The following ACOT7 variants were observed in gnomAD, a reference collection of about 807,000 sequenced individuals.
ACOT7 encodes cytosolic acyl coenzyme A thioester hydrolase.
Under a neutral mutation model 40.2 loss-of-function variants are expected in ACOT7, and 12 were observed. The ratio of observed to expected loss-of-function variants is 0.30; its 90% CI spans 0.19 to 0.48. The LOEUF (loss-of-function observed/expected upper bound fraction) is 0.48, where lower values mean the gene tolerates loss of function less well. ACOT7 is among the 20% of genes least tolerant of loss of function. The pLI is 0.99. For synonymous variants in ACOT7, 228 were observed against 219.5 expected (o/e 1.04, Z -0.34); for missense variants, 395 against 530.8 (o/e 0.74, Z 2.51).
At chr1:6,298,913 C>G (rs1210461858) in intron 6 of ACOT7, among the ~76,000 whole-genome samples, 1 of 152,264 alleles carries the variant, frequency 6.6e-6, no homozygotes, top group African/African-American at 2.4e-5. Flanking sequence ...GGGGCAGCCT[C>G]AGCTTCTGAA....
chr1:6,366,943 A>G lies in ACOT7; in HGVS notation c.144-17077T>C, dbSNP rs377450978. On this transcript the variant is annotated intron_variant, in intron 1 of 8. Transcript: ENST00000361521. ...GCCGGGCGCGGTGGCTCATGCCTGT[A>G]ATCCCAGCACTTTGGGAGGCCGAGG... Among the ~76,000 whole-genome samples, 233 of 152,142 alleles carry G rather than the reference A, an allele frequency of 1.5e-3. 14 individuals are homozygous for G. In the South Asian group the frequency reaches 0.047, roughly 30 times the overall value.
intron 7 of ACOT7, among the ~76,000 whole-genome samples, chr1:6,293,433 C>G (rs548749638): frequency 1.3e-5 from 2 of 152,200 alleles, no homozygotes; most frequent in African/African-American, 4.8e-5. Flanking sequence ...ACAGAGGACC[C>G]ACTTGTTTTG....
intron 8 of ACOT7, among the ~76,000 whole-genome samples, chr1:6,269,267 A>G (rs947463517): frequency 1.7e-4 from 26 of 152,182 alleles, no homozygotes; most frequent in African/African-American, 6.3e-4. Flanking sequence ...GGACTCGTCC[A>G]TGGGAAGTGA....
At chr1:6,265,313 C>T (rs1031914476) in intron 8 of ACOT7, among the ~76,000 whole-genome samples, 1 of 152,194 alleles carries the variant, frequency 6.6e-6, no homozygotes, top group Non-Finnish European at 1.5e-5. Flanking sequence ...TGGGGAAAGC[C>T]AGCTGCACAC....
chr1:6,283,177 T>C (rs1285860914), intron 7 of ACOT7, among the ~76,000 whole-genome samples: 1 of 152,182 alleles, frequency 6.6e-6, no homozygotes, highest in African/African-American at 2.4e-5. Flanking sequence ...CGTGTTTTTG[T>C]TTTTGAGATG....
In ACOT7 at chr1:6,341,635, G is replaced by A. The variant is rs1025577561; in HGVS notation, c.262-2046C>T. On this transcript the variant is annotated intron_variant, in intron 2 of 8. Transcript: ENST00000361521. ...TGGGTGCCTGTAGTCCCAGTTACTC[G>A]GGAGGCTGAGGCAGGAGAATGGCGT... Among the ~76,000 whole-genome samples, 16 of 152,268 alleles carry A rather than the reference G, an allele frequency of 1.1e-4. No individual in the cohort carries two copies. In the East Asian group the frequency reaches 1.4e-3, roughly 13 times the overall value.
chr1:6,359,142 G>C lies in ACOT7; in HGVS notation c.144-9276C>G, dbSNP rs975543880. 1 of 306,416 alleles carries C rather than the reference G, an allele frequency of 3.3e-6. No homozygotes were observed. Among genetic ancestry groups the C allele is most frequent in the Non-Finnish European group, 6.1e-6 (1 of 162,602 alleles). 19.0% of individuals were successfully genotyped at this position (306,416 alleles called of 1,614,324 possible). On this transcript the variant is annotated intron_variant, in intron 1 of 8. Coordinates refer to ENST00000361521, the MANE Select transcript of ACOT7 (RefSeq NM_007274.4). The surrounding 1 kb of genome is among the most constrained non-coding windows in gnomAD (Gnocchi z 4.1). The stretch of plus-strand genomic sequence containing the variant: ...CATGCCAGGAGATCAGGAAGGCAGA[G>C]GGGCCGCTGCTGAGCGGCCTCAGGG...
At chr1:6,389,503 C>T (rs1164515427) in intron 1 of ACOT7, among the ~76,000 whole-genome samples, 1 of 152,024 alleles carries the variant, frequency 6.6e-6, no homozygotes, top group Non-Finnish European at 1.5e-5. Flanking sequence ...TTGCACTCCC[C>T]AAAAGATAGC....
intron 1 of ACOT7, among the ~76,000 whole-genome samples, chr1:6,363,342 A>G (rs1443369048): frequency 6.6e-6 from 1 of 152,160 alleles, no homozygotes; most frequent in Non-Finnish European, 1.5e-5. Context: ...GCCACTTAGC[A>G]GACCAGGAAA....
Position 6,278,672 on chromosome 1 carries a change from G to A in ACOT7, c.1014+2430C>T, listed in dbSNP as rs1336526955. On this transcript the variant is annotated intron_variant, in intron 8 of 8. Coordinates refer to ENST00000361521, the MANE Select transcript of ACOT7 (RefSeq NM_007274.4). This position sits in a 1 kb window ranked among gnomAD's most constrained non-coding sequence, Gnocchi z 4.1. ...TCAATACAACACACAGGCGATGCTC[G>A]AGGCACAGACCATGGATCTGACCAC... 1.3e-5 allele frequency among the ~76,000 whole-genome samples: 2 copies of A among 152,206 alleles called. No individual in the cohort carries two copies. Among genetic ancestry groups the A allele is most frequent in the South Asian group, 2.1e-4 (1 of 4,832 alleles).
chr1:6,304,407 T>G (rs1446204635), intron 6 of ACOT7, among the ~76,000 whole-genome samples: 1 of 149,612 alleles, frequency 6.7e-6, no homozygotes, highest in Non-Finnish European at 1.5e-5. Flanking sequence ...TTTTTTTTTT[T>G]TTTTTAATTG....
intron 8 of ACOT7, 109 bp from the exon 9 acceptor site, chr1:6,264,804 C>T: frequency 1.4e-5 from 16 of 1,151,210 alleles, no homozygotes; most frequent in African/African-American, 3.1e-5. Context: ...TCTGCCCCAC[C>T]CCTGGTGCAT....
chr1:6,369,954 A>G (rs1282438777), intron 1 of ACOT7, among the ~76,000 whole-genome samples: 1 of 152,204 alleles, frequency 6.6e-6, no homozygotes, highest in African/African-American at 2.4e-5. Flanking sequence ...AGGTGCTATT[A>G]TCCACTATGG....
intron 7 of ACOT7, among the ~76,000 whole-genome samples, chr1:6,286,898 C>A (rs2148386187): frequency 6.6e-6 from 1 of 152,286 alleles, no homozygotes; most frequent in African/African-American, 2.4e-5. Context: ...AGGGGCACCG[C>A]TGGAGAGGCT....
In ACOT7 at chr1:6,282,660, A is replaced by C; in HGVS notation, c.830-1374T>G. On this transcript the variant is annotated intron_variant, in intron 7 of 8. Transcript: ENST00000361521. The surrounding 1 kb of genome is among the most constrained non-coding windows in gnomAD (Gnocchi z 4.5). Reference sequence around the variant, plus strand: ...GAGGGCGGTTAGCAGGCCAGAGGCAAGAGCGGTTATTCCATGTTAAAAAGT... The same window carrying C: ...GAGGGCGGTTAGCAGGCCAGAGGCACGAGCGGTTATTCCATGTTAAAAAGT... 4.8e-6 allele frequency: 6 copies of C among 1,249,278 alleles called. No homozygotes were observed. The highest frequency in any genetic ancestry group is 6.4e-6 in the Non-Finnish European group (6 of 940,126). The allele number at this position is 1,249,278 out of a possible 1,614,324, so 77.4% of individuals were successfully genotyped here. A position where few individuals can be genotyped will look rare whatever the true frequency, so the allele number is the denominator to read the frequency against.
At position 6,352,525 on chromosome 1, in the gene ACOT7, C is replaced by G. The variant is rs529916195; in HGVS notation, c.144-2659G>C. 1.4e-3 allele frequency among the ~76,000 whole-genome samples: 219 copies of G among 152,346 alleles called. No homozygotes were observed. Among genetic ancestry groups the G allele is most frequent in the Non-Finnish European group, 7.1e-4 (48 of 68,032 alleles). ...GGTCATGACTGCCTCTGTCTAAAGG[C>G]AGGCAGGGGTGAGAGCCAGGGAGCC... is the stretch of plus-strand genomic sequence containing the variant. On this transcript the variant is annotated intron_variant, in intron 1 of 8. Transcript: ENST00000361521. This position sits in a 1 kb window ranked among gnomAD's most constrained non-coding sequence, Gnocchi z 4.5.
At chr1:6,320,171 G>A (rs1640603346) in intron 5 of ACOT7, among the ~76,000 whole-genome samples, 1 of 152,242 alleles carries the variant, frequency 6.6e-6, no homozygotes, top group African/African-American at 2.4e-5. Flanking sequence ...GGGTTATGAA[G>A]ATGATGTAAA....
chr1:6,323,736 AAATATATATATATATATATATAT>A (rs1409259618), intron 5 of ACOT7, among the ~76,000 whole-genome samples: 8 of 65,592 alleles, frequency 1.2e-4, no homozygotes, highest in Non-Finnish European at 1.9e-4. Context: ...AAAAAAAAAA[AAATATATATATATATATATATAT>A]ATATATATAT....
chr1:6,373,146 A>G (rs1435702286), intron 1 of ACOT7, among the ~76,000 whole-genome samples: 1 of 152,230 alleles, frequency 6.6e-6, no homozygotes, highest in Non-Finnish European at 1.5e-5. Context: ...ATAACGAAAA[A>G]GTTTGAAATA....
Sources: gnomAD v4.1 joint callset for allele counts (sites outside exome capture counted in the v4.1 genomes callset) on GRCh38, gnomAD v4.1.1 for gene constraint, Gnocchi (gnomAD v3.1) non-coding constraint, MANE v1.5 for transcripts, NCBI Gene and HGNC (gene_info 2026-07-23, HGNC 2026-07-21) for gene names.